Variants in SLC35D1 observed in about 807,000 individuals in gnomAD.
The protein encoded by SLC35D1 is solute carrier family 35 member D1, also known as nucleotide sugar transporter SLC35D1.
A neutral mutation model predicts 46.7 loss-of-function variants in SLC35D1; 31 were observed. That is an observed-to-expected ratio of 0.66 (90% confidence interval 0.50 to 0.90). The LOEUF is 0.90. Among genes scored for constraint, SLC35D1 ranks in the 40% least tolerant of loss-of-function variants. SLC35D1 has a pLI of 0.00. For missense variants in SLC35D1, 397 were observed against 426.2 expected (o/e 0.93, Z 0.60); for synonymous variants, 195 against 164.6 (o/e 1.18, Z -1.41).
chr1:67,008,663 C>T (rs915042030), intron 11 of SLC35D1, among the ~76,000 whole-genome samples: 2 of 152,080 alleles, frequency 1.3e-5, no homozygotes, highest in Admixed American at 6.6e-5. Flanking sequence ...ATTCATTAGC[C>T]CCCGACAATG....
At chr1:67,008,499 C>T in intron 11 of SLC35D1, 1 of 1,276,788 alleles carries the variant, frequency 7.8e-7, no homozygotes, top group Non-Finnish European at 1.0e-6. Context: ...AGACAGGGGC[C>T]TTGTTAGAAT....
the SLC35D1 span, among the ~76,000 whole-genome samples, chr1:66,976,981 A>G: frequency 6.6e-6 from 1 of 152,350 alleles, no homozygotes; most frequent in African/African-American, 2.4e-5. Flanking sequence ...TGAGACAAGC[A>G]TATCATTAAA....
chr1:67,049,070 G>A (rs550143129), intron 6 of SLC35D1, among the ~76,000 whole-genome samples: 33 of 152,276 alleles, frequency 2.2e-4, no homozygotes, highest in Admixed American at 1.6e-3. Flanking sequence ...CAAGGCAGGC[G>A]GATCACGAGG....
At chr1:67,019,064 G>A (rs1402839655) in intron 10 of SLC35D1, among the ~76,000 whole-genome samples, 2 of 152,170 alleles carry the variant, frequency 1.3e-5, no homozygotes, top group East Asian at 3.8e-4. Context: ...CAAAAGGAAA[G>A]TATAAACCTT....
At chr1:67,038,310 G>C (rs1283194213) in intron 8 of SLC35D1, among the ~76,000 whole-genome samples, 1 of 152,176 alleles carries the variant, frequency 6.6e-6, no homozygotes, top group Admixed American at 6.6e-5. Context: ...AGTCAGCAAT[G>C]CTTAGTATGA....
chr1:66,975,029 C>G, the SLC35D1 span, among the ~76,000 whole-genome samples: 1 of 152,232 alleles, frequency 6.6e-6, no homozygotes, highest in East Asian at 1.9e-4. Context: ...GTCCTGATTG[C>G]TGTCAGTCTC....
chr1:67,030,144 G>C (rs935628232), intron 8 of SLC35D1, among the ~76,000 whole-genome samples: 1 of 152,122 alleles, frequency 6.6e-6, no homozygotes, highest in Non-Finnish European at 1.5e-5. Flanking sequence ...CAGAAGCCTG[G>C]TGTCTTGTAC....
At chr1:67,004,531 C>T in intron 11 of SLC35D1, 83 bp from the exon 12 acceptor site, 4 of 1,163,812 alleles carry the variant, frequency 3.4e-6, no homozygotes, top group Non-Finnish European at 3.8e-6. Flanking sequence ...AAACTTACAC[C>T]AAAAAATTAG....
chr1:66,985,062 A>G, the SLC35D1 span: 13 of 1,355,922 alleles, frequency 9.6e-6, no homozygotes, highest in Non-Finnish European at 1.2e-5. Context: ...CCTTTTGCAG[A>G]TTTTTTTACT....
chr1:66,994,660 G>A (rs12039835), downstream of SLC35D1, among the ~76,000 whole-genome samples: 2 of 144,568 alleles, frequency 1.4e-5, no homozygotes, highest in African/African-American at 5.3e-5. Context: ...AAAAAAAAAA[G>A]AAAAAAAATC....
chr1:67,053,681 G>T, intron 1 of SLC35D1, 130 bp downstream of exon 1: 2 of 894,350 alleles, frequency 2.2e-6, no homozygotes, highest in Non-Finnish European at 3.0e-6. Context: ...TCAGCCGCCC[G>T]CCCTCCCCAG....
At chr1:66,992,437 T>C in the SLC35D1 span, among the ~76,000 whole-genome samples, 1 of 152,218 alleles carries the variant, frequency 6.6e-6, no homozygotes. Flanking sequence ...TGAGTGAGAA[T>C]AGGCTGCCAA....
the SLC35D1 span, chr1:66,985,596 A>G: frequency 5.4e-4 from 536 of 985,288 alleles, 1 homozygote; most frequent in African/African-American, 3.8e-3. Flanking sequence ...TTTACAGTAC[A>G]TATGTCTTGA....
chr1:67,035,296 C>T (rs967621098), intron 8 of SLC35D1, among the ~76,000 whole-genome samples: 2 of 152,052 alleles, frequency 1.3e-5, no homozygotes, highest in African/African-American at 4.8e-5. Context: ...TTAAATGTTT[C>T]GTAGAATTCA....
At chr1:67,035,086 A>T (rs1668094569) in intron 8 of SLC35D1, among the ~76,000 whole-genome samples, 1 of 151,706 alleles carries the variant, frequency 6.6e-6, no homozygotes, top group Non-Finnish European at 1.5e-5. Context: ...TTTGTTGAGG[A>T]TTTCTCCACT....
chr1:66,993,644 A>G, the SLC35D1 span, among the ~76,000 whole-genome samples: 1,091 of 152,334 alleles, frequency 7.2e-3, 3 homozygotes, highest in Admixed American at 0.014. Context: ...TTATATTCTA[A>G]GCAAAGACTG....
chr1:67,007,597 T>C (rs541915870), intron 11 of SLC35D1, among the ~76,000 whole-genome samples: 2 of 152,278 alleles, frequency 1.3e-5, no homozygotes, highest in East Asian at 3.9e-4. Context: ...CAAATATAGA[T>C]TTTCGGAAAG....
rs1472783723 is a variant in SLC35D1, at chr1:67,004,139, A to C, written c.*201T>G. 4 of 564,682 alleles carry C rather than the reference A, an allele frequency of 7.1e-6. No homozygotes were observed. The highest frequency in any genetic ancestry group is 1.3e-5 in the Non-Finnish European group (4 of 314,662). 35.0% of individuals were successfully genotyped at this position (564,682 alleles called of 1,614,324 possible). On this transcript the variant is annotated 3_prime_UTR_variant, in exon 12 of 12. Transcript: ENST00000235345. ...CAGTCTGATATAAATTAATTCAAAC[A>C]ACATATTTAAAATAGAGTCAATTAT...
chr1:67,011,175 T>G (rs1667558575), intron 10 of SLC35D1, among the ~76,000 whole-genome samples: 1 of 152,098 alleles, frequency 6.6e-6, no homozygotes, highest in African/African-American at 2.4e-5. Flanking sequence ...CCACTGGGGG[T>G]TTAGGTAGTC....
Sources: gnomAD v4.1 joint callset for allele counts (sites outside exome capture counted in the v4.1 genomes callset) on GRCh38, gnomAD v4.1.1 for gene constraint, MANE v1.5 for transcripts, NCBI Gene and HGNC (gene_info 2026-07-23, HGNC 2026-07-21) for gene names.